MTMR11: variants seen among roughly 807,000 people sequenced by gnomAD.
MTMR11 encodes the protein myotubularin related protein 11.
MTMR11 carries 89 observed loss-of-function variants against 100.0 expected under a neutral mutation model. The ratio of observed to expected loss-of-function variants is 0.89; its 90% CI spans 0.75 to 1.06. MTMR11 has a LOEUF of 1.06. MTMR11 is among the 50% of genes least tolerant of loss of function. The pLI is 0.00. For missense variants in MTMR11, 809 were observed against 873.7 expected, an observed-to-expected ratio of 0.93 and a Z score of 0.93; for synonymous variants, 336 against 326.3, an observed-to-expected ratio of 1.03 and a Z score of -0.32.
chr1:149,931,230 G>C (rs72692819), intron 13 of MTMR11, 30 bp downstream of exon 13: 109,574 of 1,611,640 alleles, frequency 0.068, 4,196 homozygotes, highest in African/African-American at 0.079. Context: ...TTAGTAATAT[G>C]CCCCCGATGC....
At chr1:149,931,814 T>G (rs1240889613) in intron 12 of MTMR11, 130 bp downstream of exon 12, 3 of 772,720 alleles carry the variant, frequency 3.9e-6, no homozygotes, top group Non-Finnish European at 6.5e-6. Flanking sequence ...AGGATGAGAG[T>G]AGAGCTCGCA....
chr1:149,930,195 A>T, intron 15 of MTMR11, 170 bp downstream of exon 15: 1 of 744,236 alleles, frequency 1.3e-6, no homozygotes, highest in Non-Finnish European at 2.2e-6. Context: ...GTGCTATTCT[A>T]GGTCTTCTGT....
Position 149,934,292 on chromosome 1 carries a change from A to G in MTMR11, c.582T>C (p.Pro194=). Residue 194 remains proline (P), a synonymous_variant, in exon 7 of 17, where the codon CCT becomes CCC. Transcript: ENST00000439741. ...CCCAGTCTTCCGCTGTCTCCATGAG[A>G]GGAATTGGTGGTTTTCTGGAGCCAG... is the stretch of plus-strand genomic sequence containing the variant. ...QGSGSRKPPI[P]LMETAEDWET... is the part of the protein sequence containing the mutation. The G allele has an allele frequency of 1.2e-6, 2 of 1,614,140 alleles. No individual in the cohort carries two copies. The highest frequency in any genetic ancestry group is 1.7e-6 in the Non-Finnish European group (2 of 1,180,020).
rs1055239929 is a variant in MTMR11, at chr1:149,936,605, G to T, written c.43C>A (p.Gln15Lys). ...ACCCCCATCTCTGGCTCCTCCTTCT[G>T]GGGGGCAATGTTGAAACTCTGGCCC... ...GRGQSFNIAP[Q>K]KEEPEMGSVQ... The change falls in exon 1 of 17, where the codon CAG becomes AAG. Residue 15 changes from glutamine to lysine, a missense_variant. Transcript: ENST00000439741. 2.1e-5 allele frequency: 33 copies of T among 1,539,968 alleles called. No homozygotes were observed. Among genetic ancestry groups the T allele is most frequent in the South Asian group, 1.6e-4 (13 of 83,710 alleles).
chr1:149,936,818 G>T lies in MTMR11; in HGVS notation c.-171C>A, dbSNP rs2092728356. Reference sequence around the variant, plus strand: ...GACGTGCACGGAGCAGAGTTTGGGGGTCCTTGGAAAGGTGTGTCCAGCCCA... The same window carrying T: ...GACGTGCACGGAGCAGAGTTTGGGGTTCCTTGGAAAGGTGTGTCCAGCCCA... On this transcript the variant is annotated 5_prime_UTR_variant, in exon 1 of 17. Coordinates refer to ENST00000439741, the MANE Select transcript of MTMR11 (RefSeq NM_001145862.2). 1.6e-6 allele frequency: 1 copy of T among 623,838 alleles called. No homozygotes were observed. The highest frequency in any genetic ancestry group is 1.8e-5 in the South Asian group (1 of 55,236). 38.6% of individuals were successfully genotyped at this position (623,838 alleles called of 1,614,324 possible).
rs1033654807 is a variant in MTMR11, at chr1:149,928,932, T to C, written c.*197A>G. The C allele has an allele frequency of 6.2e-7, 1 of 1,614,114 alleles. No individual in the cohort carries two copies. The highest frequency in any genetic ancestry group is 8.5e-7 in the Non-Finnish European group (1 of 1,180,014). On this transcript the variant is annotated 3_prime_UTR_variant, in exon 17 of 17. Coordinates refer to ENST00000439741, the MANE Select transcript of MTMR11 (RefSeq NM_001145862.2). ...AAAACCGATCAATTTCTGGATTGTTTTTGTTTCTTAATCCTTCAAATGACA... is the reference window on the plus strand; with the variant it reads ...AAAACCGATCAATTTCTGGATTGTTCTTGTTTCTTAATCCTTCAAATGACA...
Position 149,934,153 on chromosome 1 carries a change from T to G in MTMR11, c.683+38A>C. 3 of 1,612,844 alleles carry G rather than the reference T, an allele frequency of 1.9e-6. No individual in the cohort carries two copies. The South Asian group carries it at 3.3e-5, about 18-fold the overall frequency. On this transcript the variant is annotated intron_variant, in intron 7 of 16. Transcript: ENST00000439741. ...GAGGATCAAGGAACTAAGGGAAGAT[T>G]GGGAGAGCAGCAGGGTTGGGGTGCA...
chr1:149,928,935 GTT>G lies in MTMR11; in HGVS notation c.*192_*193del. ...ACCGATCAATTTCTGGATTGTTTTT[GTT>G]TCTTAATCCTTCAAATGACAAGAAG... On this transcript the variant is annotated 3_prime_UTR_variant, in exon 17 of 17. Coordinates refer to ENST00000439741, the MANE Select transcript of MTMR11 (RefSeq NM_001145862.2). 2 of 1,613,978 alleles carry G rather than the reference GTT, an allele frequency of 1.2e-6. No individual in the cohort carries two copies. The highest frequency in any genetic ancestry group is 4.5e-5 in the East Asian group (2 of 44,886).
At position 149,928,716 on chromosome 1, in the gene MTMR11, G is replaced by A. The variant is rs1571532129; in HGVS notation, c.*413C>T. 1.4e-6 allele frequency: 1 copy of A among 707,522 alleles called. No homozygotes were observed. Among genetic ancestry groups the A allele is most frequent in the East Asian group, 2.7e-5 (1 of 37,584 alleles). The allele number at this position is 707,522 out of a possible 1,614,324, so 43.8% of individuals were successfully genotyped here. ...AATTCCACTACAAAAATACAGAGGA[G>A]ATAGGGTGTTTCCTGTATCCGCCTC... On this transcript the variant is annotated 3_prime_UTR_variant, in exon 17 of 17. Transcript: ENST00000439741.
At chr1:149,932,677 G>A (rs587726519) in intron 10 of MTMR11, among the ~76,000 whole-genome samples, 10 of 152,226 alleles carry the variant, frequency 6.6e-5, no homozygotes, top group South Asian at 4.2e-4. Context: ...CGGGCACGAC[G>A]GCTTGTGCCT....
Position 149,935,626 on chromosome 1 carries a change from G to T in MTMR11, c.222C>A (p.Asn74Lys). 6.2e-7 allele frequency: 1 copy of T among 1,614,104 alleles called. No homozygotes were observed. ...CACAGGGCTGGAAGGTGACCCTAAA[G>T]TTGGTACAGATCAGGGTTCCAGACA... ...PELSGTLICT[N>K]FRVTFQPCGW... is the part of the protein sequence containing the mutation. The change falls in exon 3 of 17, where the codon AAC becomes AAA. Residue 74 changes from asparagine (N) to lysine (K), a missense_variant. By Grantham distance (94) the Asn-to-Lys change is moderately conservative (BLOSUM62 0). Transcript: ENST00000439741.
rs781963258 is a variant in MTMR11 at position 149,932,034 on chromosome 1, A to G, written c.1053-20T>C. Reference sequence around the variant, plus strand: ...CAAGCCCTGGAGGAGCAGGTGAGGAAGAGGGAGGAAGAATGATAAGCCTAG... The same window carrying G: ...CAAGCCCTGGAGGAGCAGGTGAGGAGGAGGGAGGAAGAATGATAAGCCTAG... On this transcript the variant is annotated intron_variant, in intron 11 of 16. Transcript: ENST00000439741. The G allele has an allele frequency of 6.3e-7, 1 of 1,597,266 alleles. No homozygotes were observed. The highest frequency in any genetic ancestry group is 2.2e-5 in the East Asian group (1 of 44,772).
chr1:149,930,956 A>G lies in MTMR11; in HGVS notation c.1300T>C (p.Phe434Leu), dbSNP rs2092651020. Reference sequence around the variant, plus strand: ...CAGACACAATCAAGGAAGAGGAGAAACACCGGAGCCTGAAAAGAAATTAAG... The same window carrying G: ...CAGACACAATCAAGGAAGAGGAGAAGCACCGGAGCCTGAAAAGAAATTAAG... ...GTGASEEAPV[F>L]LLFLDCVWQL... is the part of the protein sequence containing the mutation. The change falls in exon 14 of 17, where the codon TTT (phenylalanine) becomes CTT (leucine). Residue 434 changes from phenylalanine to leucine, a missense_variant. Phe to Leu is a conservative substitution (Grantham distance 22). Transcript: ENST00000439741. 3 of 1,599,878 alleles carry G rather than the reference A, an allele frequency of 1.9e-6. No individual in the cohort carries two copies.
At chr1:149,932,694 C>G (rs1197514862) in intron 10 of MTMR11, among the ~76,000 whole-genome samples, 1 of 152,022 alleles carries the variant, frequency 6.6e-6, no homozygotes, top group Non-Finnish European at 1.5e-5. Flanking sequence ...GCCTGTAATC[C>G]CAGCGCTTTA....
rs2092727265 is a variant in MTMR11 at position 149,936,714 on chromosome 1, G to A, written c.-67C>T. 6.5e-6 allele frequency: 7 copies of A among 1,069,016 alleles called. No individual in the cohort carries two copies. The highest frequency in any genetic ancestry group is 2.0e-5 in the Admixed American group (1 of 49,902). The allele number at this position is 1,069,016 out of a possible 1,614,324, so 66.2% of individuals were successfully genotyped here. ...AACCTCAAGGATGCTCACCCACCTC[G>A]GGGAGAGGCTGAGTCTTGTTGAGAA... is the stretch of plus-strand genomic sequence containing the variant. On this transcript the variant is annotated 5_prime_UTR_variant, in exon 1 of 17. Coordinates refer to ENST00000439741, the MANE Select transcript of MTMR11 (RefSeq NM_001145862.2).
intron 16 of MTMR11, 33 bp downstream of exon 16, chr1:149,929,590 T>G (rs1000623324): frequency 6.3e-6 from 10 of 1,586,562 alleles, no homozygotes; most frequent in Non-Finnish European, 6.9e-6. Context: ...GTCAAGTCCC[T>G]TGTCCCACTC....
intron 6 of MTMR11, 51 bp from the exon 7 acceptor site, chr1:149,934,377 T>G (rs1553768528): frequency 6.2e-7 from 1 of 1,613,632 alleles, no homozygotes; most frequent in African/African-American, 1.3e-5. Flanking sequence ...AGAGACAGCT[T>G]CTCAGCTCTT....
chr1:149,933,674 C>T lies in MTMR11; in HGVS notation c.796G>A (p.Gly266Ser). The T allele has an allele frequency of 6.2e-7, 1 of 1,614,186 alleles. No homozygotes were observed. Among genetic ancestry groups the T allele is most frequent in the Non-Finnish European group, 8.5e-7 (1 of 1,180,034 alleles). The change falls in exon 9 of 17, where the codon GGC becomes AGC. Residue 266 changes from glycine to serine, a missense_variant. By Grantham distance (56) the Gly-to-Ser change is moderately conservative. Coordinates refer to ENST00000439741, the MANE Select transcript of MTMR11 (RefSeq NM_001145862.2). ...GPRLSWHHPGGSDLLRCGGFY... is the reference protein window; with the variant it reads ...GPRLSWHHPGSSDLLRCGGFY... Reference sequence around the variant, plus strand: ...CCTCCACAGCGGAGAAGATCACTGCCCCCAGGGTGATGCCAGGACAAGCGC... The same window carrying T: ...CCTCCACAGCGGAGAAGATCACTGCTCCCAGGGTGATGCCAGGACAAGCGC...
Position 149,936,806 on chromosome 1 carries a change from C to CA in MTMR11, c.-160dup. The stretch of plus-strand genomic sequence containing the variant: ...AAAGGAGCATTTGACGTGCACGGAG[C>CA]AGAGTTTGGGGGTCCTTGGAAAGGT... On this transcript the variant is annotated 5_prime_UTR_variant, in exon 1 of 17. Transcript: ENST00000439741. 1 of 642,898 alleles carries CA rather than the reference C, an allele frequency of 1.6e-6. No individual in the cohort carries two copies. The allele number at this position is 642,898 out of a possible 1,614,324, so 39.8% of individuals were successfully genotyped here.
Sources: allele counts gnomAD v4.1 joint callset (sites outside exome capture counted in the v4.1 genomes callset), GRCh38; gene constraint gnomAD v4.1.1; transcripts MANE v1.5; gene names NCBI Gene and HGNC (gene_info 2026-07-23, HGNC 2026-07-21).